The following DNAH12 variants were observed in gnomAD, a reference collection of about 807,000 sequenced individuals.
The protein encoded by DNAH12 is axonemal beta dynein heavy chain 12.
DNAH12 carries 285 observed loss-of-function variants against 371.5 expected under a neutral mutation model. That is an observed-to-expected ratio of 0.77 (90% CI 0.70 to 0.85). DNAH12 has a LOEUF of 0.85. Among genes scored for constraint, DNAH12 ranks in the 40% least tolerant of loss-of-function variants. The probability of loss-of-function intolerance (pLI) is 0.00; values close to 1 mark genes in which losing one functional copy is unlikely to be tolerated. For synonymous variants in DNAH12, 1,200 were observed against 1,213.0 expected (o/e 0.99, Z 0.22); for missense variants, 3,611 against 3,689.4 (o/e 0.98, Z 0.55).
intron 65 of DNAH12, among the ~76,000 whole-genome samples, chr3:57,320,826 C>G (rs939141852): frequency 8.5e-5 from 13 of 152,208 alleles, no homozygotes; most frequent in African/African-American, 3.1e-4. Flanking sequence ...GAACCCATGT[C>G]ACAGGGCATT....
At chr3:57,319,295 C>T (rs1043691669) in intron 65 of DNAH12, among the ~76,000 whole-genome samples, 5 of 152,106 alleles carry the variant, frequency 3.3e-5, no homozygotes, top group African/African-American at 1.2e-4. Flanking sequence ...TTTCTATATA[C>T]ATAAGATCAC....
intron 62 of DNAH12, among the ~76,000 whole-genome samples, chr3:57,333,033 G>C (rs1215666898): frequency 6.6e-6 from 1 of 152,166 alleles, no homozygotes; most frequent in Non-Finnish European, 1.5e-5. Flanking sequence ...GTTCTGTAGA[G>C]GGCCAGATAA....
intron 41 of DNAH12, 119 bp from the exon 42 acceptor site, chr3:57,405,266 T>TA (rs1171039967): frequency 1.2e-5 from 10 of 816,786 alleles, no homozygotes; most frequent in African/African-American, 3.6e-5. Flanking sequence ...ATTAGGGTAG[T>TA]AAAAAATGCA....
At chr3:57,460,340 A>T (rs866031397) in intron 19 of DNAH12, among the ~76,000 whole-genome samples, 1 of 152,166 alleles carries the variant, frequency 6.6e-6, no homozygotes, top group Non-Finnish European at 1.5e-5. Context: ...TTGGAGAAAA[A>T]TGAACTGAAA....
At chr3:57,358,863 C>A (rs2062857141) in intron 58 of DNAH12, among the ~76,000 whole-genome samples, 1 of 152,164 alleles carries the variant, frequency 6.6e-6, no homozygotes, top group Non-Finnish European at 1.5e-5. Context: ...CAGCTTACTA[C>A]AACCTCCACC....
At chr3:57,473,798 T>C (rs1417615794) in intron 13 of DNAH12, among the ~76,000 whole-genome samples, 2 of 151,712 alleles carry the variant, frequency 1.3e-5, no homozygotes, top group Non-Finnish European at 2.9e-5. Context: ...ACAATGCACA[T>C]AGAAATAAAA....
At chr3:57,360,171 C>T (rs924315936) in intron 58 of DNAH12, among the ~76,000 whole-genome samples, 37 of 152,026 alleles carry the variant, frequency 2.4e-4, no homozygotes, top group African/African-American at 7.0e-4. Context: ...CTCTGATGGA[C>T]GGGTATTGGG....
chr3:57,402,995 G>A (rs560611386), intron 43 of DNAH12, among the ~76,000 whole-genome samples: 2 of 152,198 alleles, frequency 1.3e-5, no homozygotes, highest in East Asian at 3.9e-4. Context: ...ATAGTGTAGT[G>A]GATAAGACTT....
chr3:57,491,953 C>T (rs1387972823), intron 11 of DNAH12, among the ~76,000 whole-genome samples: 1 of 151,912 alleles, frequency 6.6e-6, no homozygotes, highest in Non-Finnish European at 1.5e-5. Flanking sequence ...CTGCGTTGAG[C>T]CGTGATCACA....
At chr3:57,493,378 T>C (rs2067198038) in intron 11 of DNAH12, among the ~76,000 whole-genome samples, 1 of 152,172 alleles carries the variant, frequency 6.6e-6, no homozygotes, top group Non-Finnish European at 1.5e-5. Flanking sequence ...AATCTAGAGA[T>C]AGTTTAAAGT....
chr3:57,552,501 T>C, the DNAH12 span, among the ~76,000 whole-genome samples: 2 of 152,268 alleles, frequency 1.3e-5, no homozygotes, highest in Non-Finnish European at 2.9e-5. Flanking sequence ...TACTTGTTCT[T>C]AACAACTGTA....
At chr3:57,346,121 T>C (rs540505108) in intron 60 of DNAH12, among the ~76,000 whole-genome samples, 3 of 152,284 alleles carry the variant, frequency 2.0e-5, no homozygotes, top group South Asian at 4.1e-4. Flanking sequence ...ATCTGATCAC[T>C]ATAACCTGTA....
intron 73 of DNAH12, 117 bp from the exon 74 acceptor site, chr3:57,294,088 G>C (rs2107635463): frequency 1.2e-6 from 1 of 851,858 alleles, no homozygotes; most frequent in South Asian, 2.8e-5. Context: ...TCATAATTGT[G>C]ATATATGAAG....
chr3:57,296,548 C>T, intron 71 of DNAH12, 113 bp from the exon 72 acceptor site: 1 of 819,942 alleles, frequency 1.2e-6, no homozygotes, highest in South Asian at 2.1e-5. Context: ...TGTATAATAG[C>T]TTGTTAAACT....
chr3:57,424,002 G>A, intron 35 of DNAH12, among the ~76,000 whole-genome samples: 1 of 151,930 alleles, frequency 6.6e-6, no homozygotes, highest in Middle Eastern at 3.2e-3. Flanking sequence ...GCCTCCCAAA[G>A]TTTTGGGATT....
intron 55 of DNAH12, among the ~76,000 whole-genome samples, chr3:57,369,243 A>G (rs1411986095): frequency 7.5e-5 from 11 of 146,120 alleles, no homozygotes; most frequent in African/African-American, 2.5e-4. Context: ...ATATATATAT[A>G]TATATAAAAC....
At chr3:57,489,722 T>A (rs2067052464) in intron 11 of DNAH12, 35 bp from the exon 12 acceptor site, 1 of 1,449,012 alleles carries the variant, frequency 6.9e-7, no homozygotes, top group Admixed American at 3.2e-5. Flanking sequence ...AAAAAAAATG[T>A]TTAGAACTTT....
intron 30 of DNAH12, among the ~76,000 whole-genome samples, chr3:57,435,757 G>A (rs770864856): frequency 3.3e-5 from 5 of 151,944 alleles, no homozygotes; most frequent in Non-Finnish European, 7.4e-5. Context: ...TGGAGTTTGA[G>A]ACCAGCCTGG....
chr3:57,310,834 C>T lies in DNAH12; in HGVS notation c.10779G>A (p.Met3593Ile), dbSNP rs1223923274. The change falls in exon 67 of 74, where the codon ATG (methionine) becomes ATA (isoleucine). Residue 3593 changes from methionine (M) to isoleucine (I), a missense_variant. Around this residue, in one of 3 missense-constraint regions of DNAH12, gnomAD observed 2,266 missense variants for 2,236.9 expected, o/e 1.01. Transcript: ENST00000495027. ...TGTACAGATTATAAAAGTCAGCCAGCATGGTTAATAGAAGACGTCTGTCCC... is the reference window on the plus strand; with the variant it reads ...TGTACAGATTATAAAAGTCAGCCAGTATGGTTAATAGAAGACGTCTGTCCC... ...DDWDRRLLLT[M>I]LADFYNLYIV... is the part of the protein sequence containing the mutation. 6.4e-7 allele frequency: 1 copy of T among 1,551,608 alleles called. No individual in the cohort carries two copies. Among genetic ancestry groups the T allele is most frequent in the Middle Eastern group, 1.7e-4 (1 of 5,990 alleles).
Sources: gnomAD v4.1 joint callset for allele counts (sites outside exome capture counted in the v4.1 genomes callset) on GRCh38, gnomAD v4.1.1 for gene constraint, gnomAD v4.1.1 regional missense constraint, MANE v1.5 for transcripts, NCBI Gene and HGNC (gene_info 2026-07-23, HGNC 2026-07-21) for gene names.